The following CADM2 variants were observed in gnomAD, a reference collection of about 807,000 sequenced individuals.
CADM2 encodes the protein cell adhesion molecule 2.
Under a neutral mutation model 49.8 loss-of-function variants are expected in CADM2, and 12 were observed. The observed-to-expected ratio is 0.24, with a 90% CI of 0.15 to 0.39. The LOEUF (loss-of-function observed/expected upper bound fraction) is 0.39. Ranked by LOEUF, CADM2 falls within the 10% of genes least tolerant of loss-of-function variation. The probability of loss-of-function intolerance (pLI) is 1.00; values close to 1 mark genes in which losing one functional copy is unlikely to be tolerated. For missense variants in CADM2, 378 were observed against 492.3 expected, an observed-to-expected ratio of 0.77 and a Z score of 2.20; for synonymous variants, 214 against 175.4, an observed-to-expected ratio of 1.22 and a Z score of -1.74.
intron 1 of CADM2, among the ~76,000 whole-genome samples, chr3:85,355,411 G>A (rs1341726853): frequency 2.6e-5 from 4 of 152,034 alleles, no homozygotes; most frequent in East Asian, 3.9e-4. Flanking sequence ...GGTCCCCTTG[G>A]CTTAGAGACT....
chr3:85,973,474 A>G (rs181539352), intron 8 of CADM2, among the ~76,000 whole-genome samples: 3 of 151,786 alleles, frequency 2.0e-5, no homozygotes, highest in East Asian at 2.0e-4. Flanking sequence ...CATTCTCTCT[A>G]TTATCTTATT....
At chr3:85,032,593 T>C (rs1019542989) in intron 1 of CADM2, among the ~76,000 whole-genome samples, 1 of 152,234 alleles carries the variant, frequency 6.6e-6, no homozygotes, top group Non-Finnish European at 1.5e-5. Flanking sequence ...CTATCAATTC[T>C]GTATGCATTG....
intron 1 of CADM2, among the ~76,000 whole-genome samples, chr3:85,587,765 G>C (rs560243623): frequency 6.6e-6 from 1 of 151,530 alleles, no homozygotes; most frequent in South Asian, 2.1e-4. Context: ...TTTTTTTTGA[G>C]ACAGGATTTT....
chr3:85,979,217 A>G (rs771886032), intron 8 of CADM2: 1 of 1,611,030 alleles, frequency 6.2e-7, no homozygotes, highest in Admixed American at 1.7e-5. Context: ...TACCACTGCA[A>G]CAGTCACAAC....
intron 1 of CADM2, among the ~76,000 whole-genome samples, chr3:85,701,278 A>G (rs893244530): frequency 4.6e-5 from 7 of 152,096 alleles, no homozygotes; most frequent in Non-Finnish European, 1.0e-4. Flanking sequence ...GTGATCCAAT[A>G]ACCTCCTACC....
chr3:85,865,247 A>G (rs1208123319), intron 3 of CADM2, among the ~76,000 whole-genome samples: 1 of 152,240 alleles, frequency 6.6e-6, no homozygotes, highest in Non-Finnish European at 1.5e-5. Context: ...GTCTGGGAGC[A>G]CTGAAGTCTC....
rs140385363 is a variant in CADM2 at position 85,674,332 on chromosome 3, A to G, written c.62-52190A>G. 2.2e-3 allele frequency among the ~76,000 whole-genome samples: 338 copies of G among 152,294 alleles called. 1 individual carries two copies. The highest frequency in any genetic ancestry group is 7.6e-3 in the African/African-American group (316 of 41,572). On this transcript the variant is annotated intron_variant, in intron 1 of 9. Transcript: ENST00000383699. ...CCTATATTGTGTTTTGGGCTCAAAT[A>G]GTCTTACAGAAGTTGTTATTATTCT...
intron 1 of CADM2, among the ~76,000 whole-genome samples, chr3:84,991,566 C>A (rs945029264): frequency 5.9e-5 from 9 of 152,098 alleles, no homozygotes; most frequent in Non-Finnish European, 4.4e-5. Flanking sequence ...CTGACAACAC[C>A]AAATGCTGTT....
chr3:85,363,862 C>T (rs1218169000), intron 1 of CADM2, among the ~76,000 whole-genome samples: 1 of 152,216 alleles, frequency 6.6e-6, no homozygotes, highest in Non-Finnish European at 1.5e-5. Context: ...CCGCCCGCCT[C>T]GGCCTCCTAA....
chr3:86,012,792 C>G lies in CADM2; in HGVS notation c.970+51145C>G. 3.5e-6 allele frequency: 2 copies of G among 579,218 alleles called. 1 individual carries two copies. Among genetic ancestry groups the G allele is most frequent in the East Asian group, 6.5e-5 (2 of 30,590 alleles). The allele number at this position is 579,218 out of a possible 1,614,324, so 35.9% of individuals were successfully genotyped here. A position where few individuals can be genotyped will look rare whatever the true frequency, so the allele number is the denominator to read the frequency against. On this transcript the variant is annotated intron_variant, in intron 8 of 9. Transcript: ENST00000383699. ...CAGATCGAGACCATCCTGGCTAACA[C>G]GGTGAAACCCCGTCTCTACTAAAAA... is the stretch of plus-strand genomic sequence containing the variant.
chr3:85,599,211 A>G (rs536877168), intron 1 of CADM2, among the ~76,000 whole-genome samples: 1 of 152,116 alleles, frequency 6.6e-6, no homozygotes, highest in African/African-American at 2.4e-5. Context: ...CCTTTGATCG[A>G]TACCTTTTAG....
intron 1 of CADM2, among the ~76,000 whole-genome samples, chr3:85,334,162 T>G (rs1255453756): frequency 6.6e-6 from 1 of 151,560 alleles, no homozygotes; most frequent in Non-Finnish European, 1.5e-5. Flanking sequence ...TTATGTAGGC[T>G]TGCTTAGTCA....
intron 1 of CADM2, among the ~76,000 whole-genome samples, chr3:85,163,325 G>A (rs1208728032): frequency 3.3e-5 from 5 of 151,972 alleles, no homozygotes; most frequent in African/African-American, 1.2e-4. Flanking sequence ...TTAAAATTTG[G>A]TAAAAAGTTT....
chr3:85,789,398 T>A (rs1174271410), intron 2 of CADM2, among the ~76,000 whole-genome samples: 1 of 152,204 alleles, frequency 6.6e-6, no homozygotes, highest in Non-Finnish European at 1.5e-5. Flanking sequence ...ATAAAATAAC[T>A]TTATGTATAC....
intron 1 of CADM2, among the ~76,000 whole-genome samples, chr3:85,311,971 G>A (rs2044356090): frequency 6.6e-6 from 1 of 152,290 alleles, no homozygotes; most frequent in South Asian, 2.1e-4. Flanking sequence ...TACTCAATCA[G>A]TGTAGGTACC....
At chr3:85,756,258 G>A (rs771755901) in intron 2 of CADM2, among the ~76,000 whole-genome samples, 1 of 151,994 alleles carries the variant, frequency 6.6e-6, no homozygotes, top group Non-Finnish European at 1.5e-5. Flanking sequence ...GAACGCAAGG[G>A]CTCGAATAAT....
intron 1 of CADM2, among the ~76,000 whole-genome samples, chr3:85,573,364 T>C (rs1181940255): frequency 6.6e-6 from 1 of 151,944 alleles, no homozygotes; most frequent in East Asian, 1.9e-4. Context: ...AGCTAAGTTT[T>C]GTATTTTTAG....
intron 2 of CADM2, among the ~76,000 whole-genome samples, chr3:85,738,039 G>T (rs2068217852): frequency 6.6e-6 from 1 of 152,224 alleles, no homozygotes; most frequent in East Asian, 1.9e-4. Flanking sequence ...ATGCTATTTG[G>T]CCTGAACAAT....
At chr3:85,108,356 G>A (rs1337506149) in intron 1 of CADM2, among the ~76,000 whole-genome samples, 1 of 152,194 alleles carries the variant, frequency 6.6e-6, no homozygotes, top group Non-Finnish European at 1.5e-5. Context: ...ATAATGTAAT[G>A]TTAGCCTTAA....
Sources: gnomAD v4.1 joint callset for allele counts (sites outside exome capture counted in the v4.1 genomes callset) on GRCh38, gnomAD v4.1.1 for gene constraint, MANE v1.5 for transcripts, NCBI Gene and HGNC (gene_info 2026-07-23, HGNC 2026-07-21) for gene names.